The following IL1RN variants were observed in gnomAD, a reference collection of about 807,000 sequenced individuals.
IL1RN encodes the protein interleukin-1 receptor antagonist protein.
In IL1RN, 10 loss-of-function variants were observed where a neutral mutation model predicts 13.7. The ratio of observed to expected loss-of-function variants is 0.73; its 90% CI spans 0.45 to 1.24. The LOEUF is 1.24. Ranked by LOEUF, IL1RN falls within the 50% of genes most tolerant of loss-of-function variation. IL1RN has a pLI of 0.00. For missense variants in IL1RN, 213 were observed against 222.1 expected, an observed-to-expected ratio of 0.96 and a Z score of 0.26; for synonymous variants, 102 against 82.7, an observed-to-expected ratio of 1.23 and a Z score of -1.27.
At chr2:113,114,574 T>C (rs1172680062), upstream of IL1RN, among the ~76,000 whole-genome samples, 3 of 152,140 alleles carry the variant, frequency 2.0e-5, no homozygotes, top group Non-Finnish European at 2.9e-5. Context: ...ACTTGGAAGT[T>C]TCAATGTGTG....
At chr2:113,123,386 G>T (rs2104444195), upstream of IL1RN, among the ~76,000 whole-genome samples, 1 of 152,300 alleles carries the variant, frequency 6.6e-6, no homozygotes, top group East Asian at 1.9e-4. Flanking sequence ...AGCATTCATG[G>T]AACTTGGTGG....
upstream of IL1RN, chr2:113,117,504 C>T (rs11677397): frequency 0.21 from 34,059 of 164,572 alleles, 4,349 homozygotes; most frequent in Admixed American, 0.27. Flanking sequence ...ATTTTATTTG[C>T]TAACTTGTTT....
chr2:113,127,620 A>G lies in IL1RN; in HGVS notation c.-5A>G. 6.2e-7 allele frequency: 1 copy of G among 1,613,868 alleles called. No homozygotes were observed. The highest frequency in any genetic ancestry group is 8.5e-7 in the Non-Finnish European group (1 of 1,179,912). Reference sequence around the variant, plus strand: ...GGCAGTCCACTGCCTTGCTGCAGTCACAGAATGGAAATCTGCAGAGGCCTC... The same window carrying G: ...GGCAGTCCACTGCCTTGCTGCAGTCGCAGAATGGAAATCTGCAGAGGCCTC... On this transcript the variant is annotated 5_prime_UTR_variant, in exon 1 of 4. Transcript: ENST00000409930.
chr2:113,100,858 T>C, the IL1RN span, among the ~76,000 whole-genome samples: 3 of 152,164 alleles, frequency 2.0e-5, no homozygotes, highest in Non-Finnish European at 2.9e-5. Flanking sequence ...GAAGACTTTG[T>C]AGGAGAGGAA....
At chr2:113,123,032 G>A (rs1212921813), upstream of IL1RN, among the ~76,000 whole-genome samples, 2 of 152,204 alleles carry the variant, frequency 1.3e-5, no homozygotes, top group Non-Finnish European at 2.9e-5. Context: ...GGTTGAGGCA[G>A]GGGAATTGCT....
chr2:113,111,608 G>A (rs1573275996), intron 1 of IL1RN, among the ~76,000 whole-genome samples: 1 of 152,214 alleles, frequency 6.6e-6, no homozygotes, highest in South Asian at 2.1e-4. Flanking sequence ...TGCTCAGTGT[G>A]GGTATATAAA....
At position 113,132,844 on chromosome 2, in the gene IL1RN, C is replaced by A; in HGVS notation, c.507C>A (p.Thr169=). 1 of 1,614,230 alleles carries A rather than the reference C, an allele frequency of 6.2e-7. No homozygotes were observed. Among genetic ancestry groups the A allele is most frequent in the South Asian group, 1.1e-5 (1 of 91,080 alleles). The part of the protein sequence containing the change: ...TNMPDEGVMV[T]KFYFQEDE ...TGCCTGACGAAGGCGTCATGGTCAC[C>A]AAATTCTACTTCCAGGAGGACGAGT... Residue 169 remains threonine (T), a synonymous_variant, in exon 4 of 4, where the codon ACC becomes ACA. Coordinates refer to ENST00000409930, the MANE Select transcript of IL1RN (RefSeq NM_173842.3).
In IL1RN at chr2:113,118,002, C is replaced by G. The variant is rs746693859; in HGVS notation, c.-17C>G. The G allele has an allele frequency of 2.7e-6, 4 of 1,477,754 alleles. No homozygotes were observed. In the Admixed American group the frequency reaches 6.7e-5, roughly 25 times the overall value. 91.5% of individuals were successfully genotyped at this position (1,477,754 alleles called of 1,614,324 possible). A position where few individuals can be genotyped will look rare whatever the true frequency, so the allele number is the denominator to read the frequency against. On this transcript the variant is annotated 5_prime_UTR_variant, in exon 1 of 6. Transcript: ENST00000259206. ...TGGAAGACCTCAGAAGACCTCCTGTCCTATGAGGCCCTCCCCATGGCTTTA... is the reference window on the plus strand; with the variant it reads ...TGGAAGACCTCAGAAGACCTCCTGTGCTATGAGGCCCTCCCCATGGCTTTA...
intron 1 of IL1RN, among the ~76,000 whole-genome samples, chr2:113,111,880 G>A (rs571984337): frequency 4.6e-5 from 7 of 152,368 alleles, no homozygotes; most frequent in South Asian, 4.1e-4. Flanking sequence ...TGTGCACCCT[G>A]TTTTTACAAC....
chr2:113,120,261 A>G (rs116712258), intron 2 of IL1RN: 52 of 772,082 alleles, frequency 6.7e-5, no homozygotes, highest in Non-Finnish European at 1.1e-4. Flanking sequence ...AAAACGATTG[A>G]TTACTAATAT....
chr2:113,131,733 A>T (rs940146884), intron 3 of IL1RN, among the ~76,000 whole-genome samples: 1 of 151,984 alleles, frequency 6.6e-6, no homozygotes, highest in Non-Finnish European at 1.5e-5. Context: ...ATCCTTATTG[A>T]CTCAAATTGA....
At chr2:113,107,275 A>G (rs1044413737), upstream of IL1RN, 3 of 152,262 alleles carry the variant, frequency 2.0e-5, no homozygotes, top group South Asian at 2.1e-4. Flanking sequence ...GATACATTGT[A>G]ATGAATCTGT....
chr2:113,129,737 C>A, intron 2 of IL1RN, 73 bp downstream of exon 2: 1 of 952,632 alleles, frequency 1.0e-6, no homozygotes, highest in Non-Finnish European at 1.7e-6. Context: ...AGCAGCATGG[C>A]CTGCCTGCAC....
At chr2:113,100,304 C>T in the IL1RN span, among the ~76,000 whole-genome samples, 41 of 144,584 alleles carry the variant, frequency 2.8e-4, no homozygotes, top group Non-Finnish European at 4.6e-4. Context: ...CCAGCCCGGG[C>T]GACAGAGCGA....
At chr2:113,124,206 T>C (rs540143026), upstream of IL1RN, among the ~76,000 whole-genome samples, 11 of 152,210 alleles carry the variant, frequency 7.2e-5, no homozygotes, top group African/African-American at 2.6e-4. Flanking sequence ...TTGTCTTTTA[T>C]GTGCTATGGT....
intron 2 of IL1RN, 36 bp downstream of exon 2, chr2:113,129,700 A>T (rs756153135): frequency 7.5e-7 from 1 of 1,330,154 alleles, no homozygotes; most frequent in Admixed American, 1.7e-5. Context: ...GTATGTGGGC[A>T]TCACGTCACT....
intron 1 of IL1RN, among the ~76,000 whole-genome samples, chr2:113,112,143 C>T (rs1686510142): frequency 6.6e-6 from 1 of 152,216 alleles, no homozygotes; most frequent in Non-Finnish European, 1.5e-5. Flanking sequence ...CTGCAAAATC[C>T]CATGGTCTGA....
chr2:113,120,376 C>CT (rs4251989), intron 2 of IL1RN, among the ~76,000 whole-genome samples: 2,403 of 151,930 alleles, frequency 0.016, 76 homozygotes, highest in African/African-American at 0.055. Context: ...ATGCATGTAT[C>CT]TATCTATCTG....
chr2:113,125,520 C>G (rs759463606), upstream of IL1RN, among the ~76,000 whole-genome samples: 3 of 152,204 alleles, frequency 2.0e-5, no homozygotes, highest in Non-Finnish European at 2.9e-5. Flanking sequence ...CACAATTTTG[C>G]AGAAATGTTC....
Sources: gnomAD v4.1 joint callset for allele counts (sites outside exome capture counted in the v4.1 genomes callset) on GRCh38, gnomAD v4.1.1 for gene constraint, MANE v1.5 for transcripts, NCBI Gene and HGNC (gene_info 2026-07-23, HGNC 2026-07-21) for gene names.